UPRT: variants seen among roughly 807,000 people sequenced by gnomAD.
The protein encoded by UPRT is RP11-311P8.3.
A neutral mutation model predicts 22.6 loss-of-function variants in UPRT; 5 were observed. The observed-to-expected ratio is 0.22, with a 90% CI of 0.12 to 0.47. UPRT has a LOEUF of 0.47. Among genes scored for constraint, UPRT ranks in the 20% least tolerant of loss-of-function variants. UPRT has a pLI of 0.99. For missense variants in UPRT, 181 were observed against 239.9 expected (o/e 0.75, Z 1.62); for synonymous variants, 77 against 87.7 (o/e 0.88, Z 0.68).
chrX:75,219,194 A>G (rs2082402898), intron 4 of UPRT, among the ~76,000 whole-genome samples: 1 of 111,908 alleles, frequency 8.9e-6, no homozygotes, highest in South Asian at 3.8e-4. Flanking sequence ...TTGCCTCTGA[A>G]TGGAGTTCAA....
At chrX:75,225,358 C>CACACACAT (rs2082421174) in intron 4 of UPRT, among the ~76,000 whole-genome samples, 1 of 109,573 alleles carries the variant, frequency 9.1e-6, no homozygotes, top group Non-Finnish European at 1.9e-5. Flanking sequence ...CACACACACA[C>CACACACAT]ACACACACCC....
intron 4 of UPRT, among the ~76,000 whole-genome samples, chrX:75,242,421 A>G (rs754619139): frequency 9.0e-6 from 1 of 110,666 alleles, no homozygotes; most frequent in East Asian, 2.9e-4. Flanking sequence ...ATACAGTGCA[A>G]TTTTTGGTTC....
At chrX:75,249,143 G>A (rs761124404) in intron 4 of UPRT, among the ~76,000 whole-genome samples, 39 of 111,418 alleles carry the variant, frequency 3.5e-4, no homozygotes, top group Non-Finnish European at 5.5e-4. Flanking sequence ...AGGAAGAGCT[G>A]CATCAACTAA....
intron 4 of UPRT, among the ~76,000 whole-genome samples, chrX:75,185,190 A>G (rs1233684030): frequency 9.8e-5 from 11 of 111,856 alleles, no homozygotes; most frequent in African/African-American, 2.9e-4. Flanking sequence ...TTTGAAATAC[A>G]TCCCATCAAT....
At chrX:75,182,752 T>A (rs2082274930) in intron 4 of UPRT, among the ~76,000 whole-genome samples, 1 of 111,783 alleles carries the variant, frequency 8.9e-6, no homozygotes, top group South Asian at 3.7e-4. Context: ...ATTATTAGTC[T>A]GGCTAGCAGT....
Position 75,303,512 on chromosome X carries a change from G to A in UPRT, c.*1G>A. The A allele has an allele frequency of 3.5e-6, 4 of 1,137,038 alleles. No homozygotes were observed. Among genetic ancestry groups the A allele is most frequent in the Non-Finnish European group, 4.8e-6 (4 of 840,902 alleles). The allele number at this position is 1,137,038 out of a possible 1,213,427, so 93.7% of individuals were successfully genotyped here. Reference sequence around the variant, plus strand: ...ACAGAAATACTTTGGAACAGACTAAGTTATTTAAGTAAAATAATTATCTTA... The same window carrying A: ...ACAGAAATACTTTGGAACAGACTAAATTATTTAAGTAAAATAATTATCTTA... On this transcript the variant is annotated 3_prime_UTR_variant, in exon 7 of 7. Coordinates refer to ENST00000373383, the MANE Select transcript of UPRT (RefSeq NM_145052.4).
In UPRT at chrX:75,160,557, G is replaced by A. The variant is rs905450422; in HGVS notation, c.-729G>A. On this transcript the variant is annotated 5_prime_UTR_variant, in exon 2 of 14. Coordinates refer to the UPRT transcript ENST00000652605. ...TGTTTATTTATTTTTTAGAGACAGA[G>A]TCTCGCTCTTGTCACTCAGGCTGGA... 2.7e-5 allele frequency among the ~76,000 whole-genome samples: 3 copies of A among 112,102 alleles called. No individual in the cohort carries two copies. The South Asian group carries it at 1.1e-3, about 42-fold the overall frequency.
intron 4 of UPRT, among the ~76,000 whole-genome samples, chrX:75,267,481 C>T (rs760701251): frequency 6.3e-5 from 7 of 111,508 alleles, no homozygotes; most frequent in South Asian, 3.8e-4. Flanking sequence ...ATGTAAATGA[C>T]GAGTTAATGG....
chrX:75,222,627 C>G (rs745725607), intron 4 of UPRT, among the ~76,000 whole-genome samples: 37 of 111,071 alleles, frequency 3.3e-4, no homozygotes, highest in South Asian at 1.6e-3. Flanking sequence ...CCCCACAGGC[C>G]CATGGGGAAC....
chrX:75,226,642 G>C (rs943701823), intron 4 of UPRT, among the ~76,000 whole-genome samples: 3 of 110,950 alleles, frequency 2.7e-5, no homozygotes, highest in African/African-American at 9.8e-5. Flanking sequence ...TCAGGTCTTT[G>C]TTCTTATGGC....
intron 4 of UPRT, among the ~76,000 whole-genome samples, chrX:75,190,202 G>C (rs1251497066): frequency 9.0e-6 from 1 of 111,680 alleles, no homozygotes; most frequent in Non-Finnish European, 1.9e-5. Context: ...GCATTTGCTT[G>C]TCTGTAAAGT....
At chrX:75,159,135 C>G (rs182019832) in intron 1 of UPRT, among the ~76,000 whole-genome samples, 1 of 111,673 alleles carries the variant, frequency 9.0e-6, no homozygotes, top group African/African-American at 3.3e-5. Context: ...CTCTTCTTAC[C>G]TTCTGATAAC....
chrX:75,299,976 T>A, intron 5 of UPRT, 80 bp downstream of exon 5: 1 of 1,077,577 alleles, frequency 9.3e-7, no homozygotes, highest in Non-Finnish European at 1.2e-6. Context: ...TACCCTTATA[T>A]AAAAGGCAAA....
chrX:75,160,811 T>C (rs1274947815), intron 2 of UPRT, among the ~76,000 whole-genome samples: 1 of 112,591 alleles, frequency 8.9e-6, no homozygotes, highest in African/African-American at 3.2e-5. Flanking sequence ...TTTACAGGCA[T>C]GAGCCACCAT....
In UPRT at chrX:75,299,838, T is replaced by C; in HGVS notation, c.666T>C (p.Tyr222=). 1.7e-6 allele frequency: 2 copies of C among 1,211,940 alleles called. No individual in the cohort carries two copies. Among genetic ancestry groups the C allele is most frequent in the Middle Eastern group, 2.3e-4 (1 of 4,351 alleles). ...DEETQRAKVY[Y]AKFPPDIYRR... ...AGACACAAAGAGCCAAAGTATATTA[T>C]GCCAAATTCCCCCCAGACATTTACC... is the stretch of plus-strand genomic sequence containing the variant. Residue 222 remains tyrosine, a synonymous_variant, in exon 5 of 7, where the codon TAT becomes TAC. Transcript: ENST00000373383.
At chrX:75,222,030 T>C (rs1004307820) in intron 4 of UPRT, among the ~76,000 whole-genome samples, 4 of 112,112 alleles carry the variant, frequency 3.6e-5, no homozygotes, top group African/African-American at 1.3e-4. Flanking sequence ...ACTGCTTCTA[T>C]ATCTGCATTA....
intron 1 of UPRT, among the ~76,000 whole-genome samples, chrX:75,292,270 A>T (rs1009999146): frequency 8.9e-6 from 1 of 111,814 alleles, no homozygotes; most frequent in Non-Finnish European, 1.9e-5. Flanking sequence ...GTATAGTCTT[A>T]TTTGAAAACC....
chrX:75,233,959 C>T (rs2082449678), intron 4 of UPRT, among the ~76,000 whole-genome samples: 1 of 110,870 alleles, frequency 9.0e-6, no homozygotes, highest in African/African-American at 3.3e-5. Flanking sequence ...TGTAAGTGGA[C>T]TAAATGCTCC....
chrX:75,254,997 G>C (rs894429863), intron 4 of UPRT, among the ~76,000 whole-genome samples: 2 of 109,901 alleles, frequency 1.8e-5, no homozygotes, highest in African/African-American at 6.6e-5. Context: ...GGATGGTCTC[G>C]ATCTCCTGAC....
Sources: gnomAD v4.1 joint callset for allele counts (sites outside exome capture counted in the v4.1 genomes callset) on GRCh38, gnomAD v4.1.1 for gene constraint, MANE v1.5 for transcripts, NCBI Gene and HGNC (gene_info 2026-07-23, HGNC 2026-07-21) for gene names.